Variants in MYOM2 observed in about 807,000 individuals in gnomAD.
MYOM2 encodes myomesin 2.
In MYOM2, 254 loss-of-function variants were observed where a neutral mutation model predicts 187.6. The ratio of observed to expected loss-of-function variants is 1.35; its 90% confidence interval spans 1.22 to 1.50. The LOEUF is 1.50. Among genes scored for constraint, MYOM2 ranks in the 40% most tolerant of loss-of-function variants. The pLI, the probability that MYOM2 is intolerant of heterozygous loss-of-function variation, is 0.00. For missense variants in MYOM2, 2,796 were observed against 1,924.0 expected (o/e 1.45, Z -8.48); for synonymous variants, 981 against 753.8 (o/e 1.30, Z -4.94).
chr8:2,122,198 A>G (rs1468422736), intron 28 of MYOM2, among the ~76,000 whole-genome samples: 3 of 152,230 alleles, frequency 2.0e-5, no homozygotes, highest in Non-Finnish European at 4.4e-5. Flanking sequence ...GTTAAAGTAA[A>G]GGGAATCGTC....
At chr8:2,085,166 C>T in intron 13 of MYOM2, 97 bp from the exon 14 acceptor site, 2 of 1,458,224 alleles carry the variant, frequency 1.4e-6, no homozygotes. Context: ...AAAACAAGTT[C>T]AACACCCACG....
At chr8:2,064,526 C>G (rs1457108223) in intron 6 of MYOM2, among the ~76,000 whole-genome samples, 1 of 151,526 alleles carries the variant, frequency 6.6e-6, no homozygotes, top group Non-Finnish European at 1.5e-5. Flanking sequence ...TCGGAGAGCC[C>G]ACGTGTTTTG....
chr8:2,121,486 A>G (rs945430034), intron 28 of MYOM2, among the ~76,000 whole-genome samples: 1 of 152,176 alleles, frequency 6.6e-6, no homozygotes, highest in Non-Finnish European at 1.5e-5. Flanking sequence ...TATTGGGAAA[A>G]CTAATATTAC....
At chr8:2,126,636 G>C (rs146812749) in intron 31 of MYOM2, among the ~76,000 whole-genome samples, 1 of 151,786 alleles carries the variant, frequency 6.6e-6, no homozygotes, top group Non-Finnish European at 1.5e-5. Context: ...GGGGGAGGCT[G>C]ATACAGGCTG....
At chr8:2,045,774 A>G (rs567394411) in intron 1 of MYOM2, among the ~76,000 whole-genome samples, 1 of 152,096 alleles carries the variant, frequency 6.6e-6, no homozygotes, top group East Asian at 1.9e-4. Context: ...CTTCAGCTCC[A>G]CTCCGCTGAT....
At position 2,081,415 on chromosome 8, in the gene MYOM2, C is replaced by T. The variant is rs188211897; in HGVS notation, c.1516+1802C>T. 1.2e-4 allele frequency among the ~76,000 whole-genome samples: 17 copies of T among 147,526 alleles called. No individual in the cohort carries two copies. The East Asian group carries it at 2.6e-3, about 22-fold the overall frequency. Reference sequence around the variant, plus strand: ...GGAGGAACAGGCAGCCCAGCCCGTGCAGAATGAGGTTTGGTTCTGCCACGT... The same window carrying T: ...GGAGGAACAGGCAGCCCAGCCCGTGTAGAATGAGGTTTGGTTCTGCCACGT... On this transcript the variant is annotated intron_variant, in intron 13 of 36. Transcript: ENST00000262113.
chr8:2,091,293 C>G (rs998514038), intron 15 of MYOM2, among the ~76,000 whole-genome samples: 2 of 152,168 alleles, frequency 1.3e-5, no homozygotes, highest in Non-Finnish European at 2.9e-5. Context: ...ATCCTCCCAC[C>G]TTGGCCTCTC....
rs139847486 is a variant in MYOM2, at chr8:2,097,070, G to A, written c.2313+636G>A. The A allele has an allele frequency of 1.7e-5, 16 of 963,896 alleles. No homozygotes were observed. In the East Asian group the frequency reaches 1.6e-3, roughly 96 times the overall value. 59.7% of individuals were successfully genotyped at this position (963,896 alleles called of 1,614,324 possible). A position where few individuals can be genotyped will look rare whatever the true frequency, so the allele number is the denominator to read the frequency against. On this transcript the variant is annotated intron_variant, in intron 18 of 36. Coordinates refer to ENST00000262113, the MANE Select transcript of MYOM2 (RefSeq NM_003970.4). ...ACCCTCATCTCACACTACAGCTCCC[G>A]TCCGGACTGTGGGGAGCCACAGACC... is the stretch of plus-strand genomic sequence containing the variant.
At chr8:2,068,912 C>T (rs543590946) in intron 6 of MYOM2, among the ~76,000 whole-genome samples, 2 of 152,164 alleles carry the variant, frequency 1.3e-5, no homozygotes, top group African/African-American at 2.4e-5. Flanking sequence ...CTTGAGGTCA[C>T]GGGAGGCTGT....
At chr8:2,096,983 T>C in intron 18 of MYOM2, 1 of 286,174 alleles carries the variant, frequency 3.5e-6, no homozygotes. Context: ...GACACCCCCT[T>C]GGCAGCCATT....
rs746290069 is a variant in MYOM2, at chr8:2,145,023, G to A, written c.*42G>A. On this transcript the variant is annotated 3_prime_UTR_variant, in exon 37 of 37. Transcript: ENST00000262113. ...TGGAGATGGGAAAATATGCTTGGCA[G>A]AGACAGGAATGCTGTGTGCTTGTTC... 40 of 1,604,450 alleles carry A rather than the reference G, an allele frequency of 2.5e-5. No homozygotes were observed. Among genetic ancestry groups the A allele is most frequent in the Non-Finnish European group, 3.1e-5 (36 of 1,175,148 alleles).
At chr8:2,086,392 CTGTTGTGATCTCTGCGTGGCCT>C (rs1796058249) in intron 14 of MYOM2, among the ~76,000 whole-genome samples, 5 of 125,696 alleles carry the variant, frequency 4.0e-5, no homozygotes, top group South Asian at 4.9e-4. Flanking sequence ...TGGCCTCCCA[CTGTTGTGATCTCTGCGTGGCCT>C]CCCACTGTTG....
At chr8:2,144,618 T>G (rs1394758765) in intron 36 of MYOM2, 46 bp from the exon 37 acceptor site, 1 of 1,597,478 alleles carries the variant, frequency 6.3e-7, no homozygotes, top group African/African-American at 1.4e-5. Context: ...GACATGACTT[T>G]CCTTTTTCTA....
At position 2,072,463 on chromosome 8, in the gene MYOM2, G is replaced by A. The variant is rs1240047456; in HGVS notation, c.912G>A (p.Thr304=). 1.2e-5 allele frequency: 19 copies of A among 1,613,902 alleles called. No individual in the cohort carries two copies. The highest frequency in any genetic ancestry group is 1.6e-4 in the Middle Eastern group (1 of 6,080). ...CTCTCAAGTGCACCATGCTGGTGAC[G>A]CCGGACCTGAAGCGGGTGCAGCCGC... The part of the protein sequence containing the change: ...TVTLKCTMLV[T]PDLKRVQPRA... The change falls in exon 9 of 37, where the codon ACG becomes ACA. Residue 304 remains threonine, a synonymous_variant. Coordinates refer to ENST00000262113, the MANE Select transcript of MYOM2 (RefSeq NM_003970.4).
intron 19 of MYOM2, among the ~76,000 whole-genome samples, 159 bp from the exon 20 acceptor site, chr8:2,100,717 C>T (rs1796677140): frequency 6.6e-6 from 1 of 152,122 alleles, no homozygotes; most frequent in Non-Finnish European, 1.5e-5. Context: ...CCTTACCCTG[C>T]TCTGCAAGAG....
At chr8:2,101,691 G>T (rs113568524) in intron 20 of MYOM2, among the ~76,000 whole-genome samples, 26 of 152,154 alleles carry the variant, frequency 1.7e-4, no homozygotes, top group African/African-American at 6.0e-4. Context: ...CTGTTCATGG[G>T]CTATGTCTGT....
At chr8:2,080,798 A>G (rs1481720053) in intron 13 of MYOM2, among the ~76,000 whole-genome samples, 1 of 152,226 alleles carries the variant, frequency 6.6e-6, no homozygotes, top group East Asian at 1.9e-4. Context: ...GCCCGTGTAG[A>G]ATGAGGTTGG....
At chr8:2,070,841 A>G (rs74726757) in intron 8 of MYOM2, among the ~76,000 whole-genome samples, 3,476 of 152,360 alleles carry the variant, frequency 0.023, 49 homozygotes, top group East Asian at 0.053. Context: ...CGTACAGCTC[A>G]GGGTAGCTTC....
chr8:2,123,191 C>T (rs754901225), intron 28 of MYOM2, 61 bp from the exon 29 acceptor site: 1 of 1,143,474 alleles, frequency 8.7e-7, no homozygotes, highest in Non-Finnish European at 1.3e-6. Flanking sequence ...TTCTAATAGA[C>T]TTTCTTTTTC....
Sources: gnomAD v4.1 joint callset for allele counts (sites outside exome capture counted in the v4.1 genomes callset) on GRCh38, gnomAD v4.1.1 for gene constraint, MANE v1.5 for transcripts, NCBI Gene and HGNC (gene_info 2026-07-23, HGNC 2026-07-21) for gene names.